The following SHISA9 variants were observed in gnomAD, a reference collection of about 807,000 sequenced individuals.
SHISA9 encodes the protein shisa family member 9, also known as protein shisa-9.
A neutral mutation model predicts 38.0 loss-of-function variants in SHISA9; 13 were observed. That is an observed-to-expected ratio of 0.34 (90% CI 0.22 to 0.54). The LOEUF (loss-of-function observed/expected upper bound fraction) is 0.54, where lower values mean the gene tolerates loss of function less well. Among genes scored for constraint, SHISA9 ranks in the 20% least tolerant of loss-of-function variants. The pLI is 0.91. For missense variants in SHISA9, 538 were observed against 575.8 expected (o/e 0.93, Z 0.67); for synonymous variants, 275 against 242.0 (o/e 1.14, Z -1.27).
chr16:13,321,026 C>T, the SHISA9 span, among the ~76,000 whole-genome samples: 2 of 152,126 alleles, frequency 1.3e-5, no homozygotes, highest in East Asian at 1.9e-4. Flanking sequence ...GCCAGTGCCA[C>T]CAAGGAACTA....
At chr16:13,277,110 TC>T in the SHISA9 span, among the ~76,000 whole-genome samples, 6 of 152,268 alleles carry the variant, frequency 3.9e-5, no homozygotes, top group South Asian at 8.3e-4. Context: ...GAGATGAGGA[TC>T]CAGTTTCATT....
At chr16:12,915,137 C>A (rs993237828) in intron 1 of SHISA9, among the ~76,000 whole-genome samples, 1 of 152,194 alleles carries the variant, frequency 6.6e-6, no homozygotes, top group African/African-American at 2.4e-5. Flanking sequence ...CCCTGGAGAA[C>A]TTCTCTGTGG....
At chr16:13,512,112 T>C in the SHISA9 span, among the ~76,000 whole-genome samples, 1 of 152,062 alleles carries the variant, frequency 6.6e-6, no homozygotes, top group East Asian at 1.9e-4. Flanking sequence ...CCTCAAAAGA[T>C]TAAAGTGTTT....
intron 2 of SHISA9, among the ~76,000 whole-genome samples, chr16:12,984,698 A>G (rs1596564979): frequency 6.6e-6 from 1 of 152,116 alleles, no homozygotes; most frequent in East Asian, 1.9e-4. Flanking sequence ...GGGTGTCCTG[A>G]TGGGTGCTGC....
chr16:13,406,347 G>A, the SHISA9 span, among the ~76,000 whole-genome samples: 1 of 152,182 alleles, frequency 6.6e-6, no homozygotes, highest in Non-Finnish European at 1.5e-5. Context: ...TAACTTTCCT[G>A]TCTTCTCAAC....
intron 2 of SHISA9, among the ~76,000 whole-genome samples, chr16:13,136,458 G>A (rs1001016262): frequency 2.1e-5 from 3 of 142,056 alleles, no homozygotes; most frequent in African/African-American, 8.1e-5. Flanking sequence ...GAATGCAATG[G>A]TGTAATCTCG....
At chr16:12,970,969 G>A (rs149917756) in intron 2 of SHISA9, among the ~76,000 whole-genome samples, 51 of 152,322 alleles carry the variant, frequency 3.3e-4, no homozygotes, top group Admixed American at 1.4e-3. Context: ...TTTGTTGAAT[G>A]AATGAATGAA....
chr16:12,971,104 C>A (rs540310638), intron 2 of SHISA9, among the ~76,000 whole-genome samples: 3 of 152,328 alleles, frequency 2.0e-5, no homozygotes, highest in African/African-American at 7.2e-5. Flanking sequence ...GGAAGCTAGG[C>A]ATTGCTAAGT....
At chr16:13,004,033 G>C (rs553852920) in intron 2 of SHISA9, among the ~76,000 whole-genome samples, 1 of 152,250 alleles carries the variant, frequency 6.6e-6, no homozygotes, top group Admixed American at 6.5e-5. Flanking sequence ...CAATGTGTTG[G>C]GTTCATCAAG....
At chr16:13,485,489 T>C in the SHISA9 span, among the ~76,000 whole-genome samples, 2 of 152,222 alleles carry the variant, frequency 1.3e-5, no homozygotes, top group Non-Finnish European at 2.9e-5. Context: ...CTTTTTCCTT[T>C]TTTATTGATA....
the SHISA9 span, among the ~76,000 whole-genome samples, chr16:13,322,863 A>G: frequency 2.0e-5 from 3 of 152,244 alleles, no homozygotes; most frequent in East Asian, 5.8e-4. Flanking sequence ...CTCCCACATT[A>G]TGGTTGTGGG....
In SHISA9 at chr16:13,132,760, G is replaced by A. The variant is rs572987596; in HGVS notation, c.692-70634G>A. On this transcript the variant is annotated intron_variant, in intron 2 of 4. Coordinates refer to ENST00000558583, the MANE Select transcript of SHISA9 (RefSeq NM_001145204.3). ...GGTATTGAAAGCAATTATCTTCTGAGTGAGACCCTCTCACTGATAAGATGA... is the reference window on the plus strand; with the variant it reads ...GGTATTGAAAGCAATTATCTTCTGAATGAGACCCTCTCACTGATAAGATGA... Among the ~76,000 whole-genome samples, 7 of 152,320 alleles carry A rather than the reference G, an allele frequency of 4.6e-5. No individual in the cohort carries two copies. The South Asian group carries it at 1.4e-3, about 32-fold the overall frequency.
intron 1 of SHISA9, chr16:12,910,382 A>G (rs1396818755): frequency 5.5e-6 from 4 of 721,992 alleles, no homozygotes; most frequent in Admixed American, 1.3e-4. Flanking sequence ...GCTGAGAGAT[A>G]TGAGATAACC....
chr16:13,321,667 T>G, the SHISA9 span, among the ~76,000 whole-genome samples: 1 of 152,250 alleles, frequency 6.6e-6, no homozygotes, highest in Non-Finnish European at 1.5e-5. Flanking sequence ...GTTTCCTTTT[T>G]CCTTGTGTGT....
chr16:13,292,530 A>G, the SHISA9 span, among the ~76,000 whole-genome samples: 1 of 152,098 alleles, frequency 6.6e-6, no homozygotes, highest in East Asian at 1.9e-4. Context: ...TATTTCTTAA[A>G]TATCCAGTGT....
intron 2 of SHISA9, among the ~76,000 whole-genome samples, chr16:13,048,664 C>A (rs2073214595): frequency 6.6e-6 from 1 of 152,218 alleles, no homozygotes; most frequent in Non-Finnish European, 1.5e-5. Context: ...TCAAGTGATC[C>A]ACCTGCCTTG....
chr16:13,364,926 G>C, the SHISA9 span, among the ~76,000 whole-genome samples: 4 of 152,166 alleles, frequency 2.6e-5, no homozygotes, highest in Non-Finnish European at 5.9e-5. Flanking sequence ...AACAAAGGAG[G>C]AAAGTGGATA....
intron 2 of SHISA9, among the ~76,000 whole-genome samples, chr16:13,122,273 G>T (rs545668227): frequency 7.2e-5 from 11 of 152,284 alleles, no homozygotes; most frequent in African/African-American, 1.9e-4. Flanking sequence ...CTCAGCCAAG[G>T]TTCCCCAGAA....
intron 2 of SHISA9, among the ~76,000 whole-genome samples, chr16:13,019,120 C>A (rs547141988): frequency 6.6e-6 from 1 of 152,270 alleles, no homozygotes; most frequent in African/African-American, 2.4e-5. Context: ...CTGCCTTACC[C>A]TCCCGAGTAG....
Sources: allele counts gnomAD v4.1 joint callset (sites outside exome capture counted in the v4.1 genomes callset), GRCh38; gene constraint gnomAD v4.1.1; transcripts MANE v1.5; gene names NCBI Gene and HGNC (gene_info 2026-07-23, HGNC 2026-07-21).